Variants in PDE7B observed in about 807,000 individuals in gnomAD.
PDE7B encodes phosphodiesterase 7B.
Under a neutral mutation model 56.2 loss-of-function variants are expected in PDE7B, and 29 were observed. The ratio of observed to expected loss-of-function variants is 0.52; its 90% CI spans 0.38 to 0.70. The LOEUF is 0.70. Ranked by LOEUF, PDE7B falls within the 30% of genes least tolerant of loss-of-function variation. The pLI is 0.00. For synonymous variants in PDE7B, 197 were observed against 196.9 expected (o/e 1.00, Z 0.00); for missense variants, 490 against 565.0 (o/e 0.87, Z 1.35).
In PDE7B at chr6:135,909,270, A is replaced by G. The variant is rs141260210; in HGVS notation, c.22-38194A>G. On this transcript the variant is annotated intron_variant, in intron 1 of 12. Transcript: ENST00000308191. ...GGGATCTCAGAGGTGTGGTGCTGTCATATCTTCTTTCGTGCCCTGAAGATG... is the reference window on the plus strand; with the variant it reads ...GGGATCTCAGAGGTGTGGTGCTGTCGTATCTTCTTTCGTGCCCTGAAGATG... Among the ~76,000 whole-genome samples the G allele has an allele frequency of 9.0e-3, 1,377 of 152,270 alleles. 16 individuals are homozygous for G. Among genetic ancestry groups the G allele is most frequent in the African/African-American group, 0.031 (1,297 of 41,552 alleles).
At chr6:136,037,932 A>C (rs1030677417) in intron 2 of PDE7B, 2 of 1,189,366 alleles carry the variant, frequency 1.7e-6, no homozygotes, top group Non-Finnish European at 2.1e-6. Context: ...CCTGGGATTA[A>C]TTAAGTGCTG....
chr6:136,180,425 CA>C (rs1779044249), intron 10 of PDE7B, among the ~76,000 whole-genome samples: 1 of 152,160 alleles, frequency 6.6e-6, no homozygotes, highest in Non-Finnish European at 1.5e-5. Context: ...ACCTCTACTT[CA>C]ACATGTACTG....
intron 2 of PDE7B, among the ~76,000 whole-genome samples, chr6:136,022,231 T>G (rs1776084818): frequency 6.6e-6 from 1 of 152,230 alleles, no homozygotes; most frequent in Admixed American, 6.5e-5. Flanking sequence ...ATTAATTAAA[T>G]TTTTGTTTGA....
At chr6:135,852,482 TAGC>T (rs1428660135) in intron 1 of PDE7B, among the ~76,000 whole-genome samples, 1 of 152,112 alleles carries the variant, frequency 6.6e-6, no homozygotes, top group Non-Finnish European at 1.5e-5. Flanking sequence ...TGTTGGTTGA[TAGC>T]AGACTTCAAG....
chr6:135,896,888 T>A (rs1209333075), intron 1 of PDE7B, among the ~76,000 whole-genome samples: 1 of 152,106 alleles, frequency 6.6e-6, no homozygotes, highest in Admixed American at 6.6e-5. Flanking sequence ...TAAATACTTG[T>A]TGTCCACCAT....
chr6:136,121,689 G>A (rs1777936301), intron 3 of PDE7B, among the ~76,000 whole-genome samples: 1 of 152,212 alleles, frequency 6.6e-6, no homozygotes, highest in African/African-American at 2.4e-5. Context: ...AGGTTCTAAT[G>A]GAGAAAGCAC....
chr6:136,079,147 T>C (rs1397608067), intron 2 of PDE7B, among the ~76,000 whole-genome samples: 1 of 152,146 alleles, frequency 6.6e-6, no homozygotes, highest in Non-Finnish European at 1.5e-5. Context: ...TTGAGGAGTG[T>C]ATTGAATATA....
chr6:135,938,709 A>T (rs1027747239), intron 1 of PDE7B, among the ~76,000 whole-genome samples: 12 of 152,156 alleles, frequency 7.9e-5, no homozygotes, highest in African/African-American at 2.9e-4. Flanking sequence ...GGAGAGTGCA[A>T]CGTAAGACGC....
chr6:136,127,330 A>G (rs1239341330), intron 3 of PDE7B, among the ~76,000 whole-genome samples: 1 of 152,144 alleles, frequency 6.6e-6, no homozygotes, highest in African/African-American at 2.4e-5. Context: ...AATGCCTCCC[A>G]CATTGAACTC....
chr6:136,051,702 C>A (rs1391907067), intron 2 of PDE7B, among the ~76,000 whole-genome samples: 1 of 152,202 alleles, frequency 6.6e-6, no homozygotes, highest in Non-Finnish European at 1.5e-5. Context: ...CTTTTCCAGT[C>A]TGGGCAACTC....
At position 136,011,975 on chromosome 6, in the gene PDE7B, A is replaced by G. The variant is rs541595199; in HGVS notation, c.82+64451A>G. ...TCTTTGTTTTGTTTATGTCTTTCTCACGAGGTAGAAGATCGATTCTAAGTC... is the reference window on the plus strand; with the variant it reads ...TCTTTGTTTTGTTTATGTCTTTCTCGCGAGGTAGAAGATCGATTCTAAGTC... On this transcript the variant is annotated intron_variant, in intron 2 of 12. Coordinates refer to ENST00000308191, the MANE Select transcript of PDE7B (RefSeq NM_018945.4). Among the ~76,000 whole-genome samples the G allele has an allele frequency of 2.0e-5, 3 of 152,294 alleles. No individual in the cohort carries two copies. The East Asian group carries it at 5.8e-4, about 29-fold the overall frequency.
chr6:135,929,280 C>T (rs2327659), intron 1 of PDE7B, among the ~76,000 whole-genome samples: 22,205 of 151,848 alleles, frequency 0.15, 1,820 homozygotes, highest in South Asian at 0.22. Context: ...TTCAAGAATA[C>T]TTAAAACTTA....
At position 135,990,102 on chromosome 6, in the gene PDE7B, T is replaced by TG. The variant is rs934997275; in HGVS notation, c.82+42578_82+42579insG. 1.7e-4 allele frequency among the ~76,000 whole-genome samples: 26 copies of TG among 150,764 alleles called. 1 individual carries two copies. The highest frequency in any genetic ancestry group is 1.3e-3 in the Admixed American group (20 of 15,144). ...TTTGATTTTTGGGGTTTTTTTGTTT[T>TG]TTTTTTTTTTTGAGACAGAGTCTCG... On this transcript the variant is annotated intron_variant, in intron 2 of 12. Coordinates refer to ENST00000308191, the MANE Select transcript of PDE7B (RefSeq NM_018945.4).
At chr6:135,978,556 A>AT (rs1479310594) in intron 2 of PDE7B, among the ~76,000 whole-genome samples, 1 of 152,014 alleles carries the variant, frequency 6.6e-6, no homozygotes, top group African/African-American at 2.4e-5. Context: ...CTCTTTTATA[A>AT]TTTTTTTACT....
intron 3 of PDE7B, among the ~76,000 whole-genome samples, chr6:136,127,792 G>A (rs1778047504): frequency 6.6e-6 from 1 of 152,194 alleles, no homozygotes; most frequent in African/African-American, 2.4e-5. Context: ...ATAATGTTGA[G>A]GGGGTTTTGA....
intron 2 of PDE7B, among the ~76,000 whole-genome samples, chr6:136,101,443 C>T (rs1777560455): frequency 6.6e-6 from 1 of 152,082 alleles, no homozygotes; most frequent in Non-Finnish European, 1.5e-5. Context: ...AATTTCAGAA[C>T]CTGTTATTGG....
intron 2 of PDE7B, among the ~76,000 whole-genome samples, chr6:135,974,571 C>T (rs937902335): frequency 6.6e-5 from 10 of 152,236 alleles, no homozygotes; most frequent in African/African-American, 2.2e-4. Context: ...ACAGAAAAAA[C>T]TTGGAAGTAG....
intron 2 of PDE7B, among the ~76,000 whole-genome samples, chr6:136,087,769 A>G (rs1777317324): frequency 6.6e-6 from 1 of 152,212 alleles, no homozygotes; most frequent in Non-Finnish European, 1.5e-5. Context: ...ATGTATATAC[A>G]TAGTCCTACT....
chr6:135,902,896 T>G (rs543756490), intron 1 of PDE7B, among the ~76,000 whole-genome samples: 1 of 152,270 alleles, frequency 6.6e-6, no homozygotes, highest in African/African-American at 2.4e-5. Context: ...AAGTTGATGT[T>G]GTTATTCTCC....
Sources: gnomAD v4.1 joint callset for allele counts (sites outside exome capture counted in the v4.1 genomes callset) on GRCh38, gnomAD v4.1.1 for gene constraint, MANE v1.5 for transcripts, NCBI Gene and HGNC (gene_info 2026-07-23, HGNC 2026-07-21) for gene names.